BMP5: variants seen among roughly 807,000 people sequenced by gnomAD.
BMP5 encodes bone morphogenetic protein 5.
In BMP5, 23 loss-of-function variants were observed where a neutral mutation model predicts 46.6. The observed-to-expected ratio is 0.49, with a 90% confidence interval of 0.35 to 0.70. BMP5 has a LOEUF of 0.70. Ranked by LOEUF, BMP5 falls within the 30% of genes least tolerant of loss-of-function variation. The pLI is 0.00. For missense variants in BMP5, 545 were observed against 565.6 expected (o/e 0.96, Z 0.37); for synonymous variants, 204 against 191.9 (o/e 1.06, Z -0.52).
intron 1 of BMP5, among the ~76,000 whole-genome samples, chr6:55,826,213 T>TA (rs1776527774): frequency 6.6e-6 from 1 of 151,786 alleles, no homozygotes; most frequent in Admixed American, 6.6e-5. Flanking sequence ...TACACAGTAA[T>TA]ATGTGACCTG....
At chr6:55,756,461 T>C (rs1774603101) in intron 6 of BMP5, among the ~76,000 whole-genome samples, 1 of 151,984 alleles carries the variant, frequency 6.6e-6, no homozygotes, top group African/African-American at 2.4e-5. Flanking sequence ...GATAATAATT[T>C]TGATCAGACT....
chr6:55,780,432 AAC>A (rs1775282519), intron 3 of BMP5, among the ~76,000 whole-genome samples: 1 of 141,182 alleles, frequency 7.1e-6, no homozygotes, highest in African/African-American at 2.7e-5. Flanking sequence ...CATTCTGGTT[AAC>A]ACAGTGAAAC....
At chr6:55,867,880 T>A (rs1018793971) in intron 1 of BMP5, among the ~76,000 whole-genome samples, 4 of 152,182 alleles carry the variant, frequency 2.6e-5, no homozygotes, top group Non-Finnish European at 4.4e-5. Context: ...AAGCGTGGAA[T>A]ATGGGATTCC....
At chr6:55,797,046 G>A (rs1212810195) in intron 2 of BMP5, among the ~76,000 whole-genome samples, 1 of 152,064 alleles carries the variant, frequency 6.6e-6, no homozygotes, top group Non-Finnish European at 1.5e-5. Flanking sequence ...TTTCATATAC[G>A]AAGCTCTTCT....
chr6:55,813,515 C>A (rs1424406293), intron 2 of BMP5, among the ~76,000 whole-genome samples: 2 of 151,584 alleles, frequency 1.3e-5, no homozygotes, highest in East Asian at 3.9e-4. Flanking sequence ...TTTGGCCGGG[C>A]GCGGTGGCTC....
rs190356893 is a variant in BMP5 at position 55,858,685 on chromosome 6, G to A, written c.490+15691C>T. On this transcript the variant is annotated intron_variant, in intron 1 of 6. Transcript: ENST00000370830. ...AGTGTATTTTTCAGGAGGCTTAAACGTGTATTTATTGCAGCACTATTTACA... is the reference window on the plus strand; with the variant it reads ...AGTGTATTTTTCAGGAGGCTTAAACATGTATTTATTGCAGCACTATTTACA... Among the ~76,000 whole-genome samples the A allele has an allele frequency of 2.7e-3, 409 of 152,288 alleles. 3 individuals are homozygous for A. Among genetic ancestry groups the A allele is most frequent in the Middle Eastern group, 6.8e-3 (2 of 294 alleles).
intron 1 of BMP5, among the ~76,000 whole-genome samples, chr6:55,840,138 G>T (rs996908953): frequency 2.6e-5 from 4 of 151,866 alleles, no homozygotes; most frequent in African/African-American, 4.8e-5. Flanking sequence ...TGATACTACG[G>T]TAAATATTTC....
chr6:55,788,754 G>T (rs1775507795), intron 3 of BMP5, among the ~76,000 whole-genome samples: 1 of 151,666 alleles, frequency 6.6e-6, no homozygotes, highest in South Asian at 2.1e-4. Flanking sequence ...TTTTATCAGA[G>T]CCCAGATTTT....
chr6:55,761,635 T>A (rs187818997), intron 4 of BMP5, among the ~76,000 whole-genome samples: 140 of 152,206 alleles, frequency 9.2e-4, no homozygotes, highest in Non-Finnish European at 9.7e-4. Context: ...AATTCCTGCA[T>A]CTTCATGTCC....
intron 2 of BMP5, among the ~76,000 whole-genome samples, chr6:55,797,614 C>CTTT (rs60366569): frequency 1.6e-4 from 18 of 110,576 alleles, no homozygotes; most frequent in Admixed American, 2.0e-4. Flanking sequence ...ATTTTCTTTT[C>CTTT]TTTTTTTTTT....
intron 6 of BMP5, 88 bp from the exon 7 acceptor site, chr6:55,755,770 A>G (rs1238433489): frequency 1.6e-6 from 2 of 1,275,494 alleles, no homozygotes; most frequent in Admixed American, 1.8e-5. Context: ...TTTATCACTC[A>G]TAATCAGGCA....
intron 1 of BMP5, among the ~76,000 whole-genome samples, chr6:55,870,289 A>G (rs1324788213): frequency 6.6e-6 from 1 of 152,062 alleles, no homozygotes; most frequent in African/African-American, 2.4e-5. Context: ...TCACTTGATA[A>G]TCAACCATCT....
Position 55,792,589 on chromosome 6 carries a change from C to T in BMP5, c.832+1690G>A, listed in dbSNP as rs188214726. Among the ~76,000 whole-genome samples the T allele has an allele frequency of 1.9e-4, 29 of 150,720 alleles. 1 individual carries two copies. Among genetic ancestry groups the T allele is most frequent in the African/African-American group, 7.1e-4 (29 of 41,082 alleles). On this transcript the variant is annotated intron_variant, in intron 3 of 6. Transcript: ENST00000370830. ...ACACATAAAACACGCACTAGACTAA[C>T]CCTTTAATATATTCAATTTGTGTGT... is the stretch of plus-strand genomic sequence containing the variant.
At chr6:55,791,480 T>G (rs1390345017) in intron 3 of BMP5, among the ~76,000 whole-genome samples, 2 of 152,170 alleles carry the variant, frequency 1.3e-5, no homozygotes, top group African/African-American at 2.4e-5. Flanking sequence ...AATATGGAAT[T>G]TGGAAACCTT....
intron 1 of BMP5, among the ~76,000 whole-genome samples, chr6:55,821,727 C>T (rs770938226): frequency 6.6e-6 from 1 of 152,162 alleles, no homozygotes; most frequent in Non-Finnish European, 1.5e-5. Context: ...ATAGTGCAGA[C>T]TGCCATGATA....
At position 55,787,920 on chromosome 6, in the gene BMP5, T is replaced by C. The variant is rs147005169; in HGVS notation, c.832+6359A>G. ...TCCCAGCATTTTTTGGGAAATACCA[T>C]TTACATGGTGGAGATTTTATATGGT... On this transcript the variant is annotated intron_variant, in intron 3 of 6. Transcript: ENST00000370830. Among the ~76,000 whole-genome samples the C allele has an allele frequency of 6.8e-3, 1,037 of 151,706 alleles. 13 individuals carry two copies. The highest frequency in any genetic ancestry group is 0.024 in the African/African-American group (977 of 41,494).
intron 1 of BMP5, among the ~76,000 whole-genome samples, chr6:55,859,127 T>G (rs915043653): frequency 6.6e-6 from 1 of 152,064 alleles, no homozygotes; most frequent in Non-Finnish European, 1.5e-5. Flanking sequence ...CAACTTAAAG[T>G]AAAATTTTAA....
rs184900087 is a variant in BMP5, at chr6:55,759,089, G to A, written c.1131C>T (p.Tyr377=). Residue 377 remains tyrosine (Y), a synonymous_variant, in exon 6 of 7, where the codon TAC becomes TAT. Transcript: ENST00000370830. ...WQDWIIAPEG[Y]AAFYCDGECS... ...ATTCTCCATCACAATAAAATGCAGC[G>A]TATCCTTCTGGTGCTATAATCCAGT... is the stretch of plus-strand genomic sequence containing the variant. 7.1e-4 allele frequency: 963 copies of A among 1,362,090 alleles called. 10 individuals carry two copies. The Admixed American group carries it at 0.017, about 24-fold the overall frequency. The allele number at this position is 1,362,090 out of a possible 1,614,324, so 84.4% of individuals were successfully genotyped here. A position where few individuals can be genotyped will look rare whatever the true frequency, so the allele number is the denominator to read the frequency against.
intron 6 of BMP5, among the ~76,000 whole-genome samples, chr6:55,758,456 G>A (rs999911848): frequency 2.0e-5 from 3 of 151,878 alleles, no homozygotes; most frequent in East Asian, 1.9e-4. Flanking sequence ...TCACTGCTAA[G>A]TTTCTGAGAT....
Sources: gnomAD v4.1 joint callset for allele counts (sites outside exome capture counted in the v4.1 genomes callset) on GRCh38, gnomAD v4.1.1 for gene constraint, MANE v1.5 for transcripts, NCBI Gene and HGNC (gene_info 2026-07-23, HGNC 2026-07-21) for gene names.